Variants in METTL24 observed in about 807,000 individuals in gnomAD.
The protein encoded by METTL24 is probable methyltransferase-like protein 24.
In METTL24, 29 loss-of-function variants were observed where a neutral mutation model predicts 32.7. That is an observed-to-expected ratio of 0.89 (90% CI 0.66 to 1.21). The LOEUF (loss-of-function observed/expected upper bound fraction) is 1.21, where lower values mean the gene tolerates loss of function less well. Among genes scored for constraint, METTL24 ranks in the 50% most tolerant of loss-of-function variants. The probability of loss-of-function intolerance (pLI) is 0.00; values close to 1 mark genes in which losing one functional copy is unlikely to be tolerated. For missense variants in METTL24, 439 were observed against 468.1 expected (o/e 0.94, Z 0.57); for synonymous variants, 163 against 179.5 (o/e 0.91, Z 0.73).
Position 110,334,998 on chromosome 6 carries a change from TTCTTTTGAATC to T in METTL24, c.319-12137_319-12127del, listed in dbSNP as rs1203649782. On this transcript the variant is annotated intron_variant, in intron 1 of 4. Transcript: ENST00000338882. Reference sequence around the variant, plus strand: ...AAGTTAGGAGAAGCCACATAAAAGCTTCTTTTGAATCTCTGGGAAGCTGCCACCAGGGCAGA... The same window carrying T: ...AAGTTAGGAGAAGCCACATAAAAGCTTCTGGGAAGCTGCCACCAGGGCAGA... Among the ~76,000 whole-genome samples, 4 of 152,298 alleles carry T rather than the reference TTCTTTTGAATC, an allele frequency of 2.6e-5. No individual in the cohort carries two copies. In the East Asian group the frequency reaches 7.7e-4, roughly 29 times the overall value.
intron 1 of METTL24, among the ~76,000 whole-genome samples, chr6:110,354,216 G>C (rs983394305): frequency 2.0e-5 from 3 of 152,186 alleles, no homozygotes; most frequent in Non-Finnish European, 4.4e-5. Flanking sequence ...TTTAGAGCTA[G>C]TTCTTGCATG....
At chr6:110,355,314 G>T (rs1327226476) in intron 1 of METTL24, among the ~76,000 whole-genome samples, 2 of 152,156 alleles carry the variant, frequency 1.3e-5, no homozygotes, top group African/African-American at 4.8e-5. Flanking sequence ...GGCCTTGCAG[G>T]TAGAGGAGTG....
chr6:110,330,667 T>C (rs1332655960), intron 1 of METTL24, among the ~76,000 whole-genome samples: 1 of 152,188 alleles, frequency 6.6e-6, no homozygotes, highest in Non-Finnish European at 1.5e-5. Context: ...TGGGCATACA[T>C]GGGATACACA....
chr6:110,254,629 C>G (rs914087823), intron 4 of METTL24, among the ~76,000 whole-genome samples: 3 of 152,038 alleles, frequency 2.0e-5, no homozygotes, highest in African/African-American at 4.8e-5. Flanking sequence ...AAGACTATCT[C>G]AAAAGAAATA....
chr6:110,291,503 T>C (rs1771318964), intron 4 of METTL24, among the ~76,000 whole-genome samples: 1 of 152,330 alleles, frequency 6.6e-6, no homozygotes, highest in Admixed American at 6.5e-5. Context: ...CAATTAATTA[T>C]ATACGTGTTT....
intron 3 of METTL24, among the ~76,000 whole-genome samples, chr6:110,302,460 CATATGTGTATATAT>C (rs1562230697): frequency 6.5e-5 from 6 of 92,928 alleles, no homozygotes; most frequent in African/African-American, 2.8e-4. Flanking sequence ...CATATACACA[CATATGTGTATATAT>C]ACACATATAC....
chr6:110,290,132 T>G (rs1463239228), intron 4 of METTL24, among the ~76,000 whole-genome samples: 1 of 148,040 alleles, frequency 6.8e-6, no homozygotes, highest in East Asian at 1.9e-4. Context: ...TCCAGGCTGG[T>G]CTCAAATTCC....
At chr6:110,335,065 T>C (rs547028524) in intron 1 of METTL24, among the ~76,000 whole-genome samples, 1 of 152,328 alleles carries the variant, frequency 6.6e-6, no homozygotes, top group African/African-American at 2.4e-5. Context: ...TGGACTCCTC[T>C]GGAACCAAAA....
At chr6:110,275,118 TGAC>T (rs1771025667) in intron 4 of METTL24, among the ~76,000 whole-genome samples, 1 of 151,800 alleles carries the variant, frequency 6.6e-6, no homozygotes, top group South Asian at 2.1e-4. Context: ...ATATTTTTAA[TGAC>T]CTATGTCTAC....
intron 3 of METTL24, among the ~76,000 whole-genome samples, chr6:110,301,766 C>G (rs1043177293): frequency 1.3e-5 from 2 of 152,180 alleles, no homozygotes; most frequent in African/African-American, 4.8e-5. Context: ...CAATAGCTAA[C>G]TGATATACCT....
intron 3 of METTL24, among the ~76,000 whole-genome samples, chr6:110,300,687 CTGGG>C (rs1334381988): frequency 1.3e-5 from 2 of 152,076 alleles, no homozygotes; most frequent in African/African-American, 2.4e-5. Context: ...TCCCAAAGTA[CTGGG>C]ATTACAGGCA....
intron 2 of METTL24, among the ~76,000 whole-genome samples, chr6:110,318,269 T>C (rs1252107187): frequency 6.6e-6 from 1 of 152,256 alleles, no homozygotes; most frequent in African/African-American, 2.4e-5. Context: ...AGATTTCATC[T>C]TGGACAGATA....
At chr6:110,340,132 C>T (rs139367441) in intron 1 of METTL24, among the ~76,000 whole-genome samples, 12 of 152,088 alleles carry the variant, frequency 7.9e-5, no homozygotes, top group African/African-American at 2.2e-4. Flanking sequence ...GAAAAGAAAA[C>T]ACAGCTCTTC....
chr6:110,346,330 G>A (rs528585642), intron 1 of METTL24, among the ~76,000 whole-genome samples: 1 of 152,256 alleles, frequency 6.6e-6, no homozygotes, highest in Non-Finnish European at 1.5e-5. Context: ...TGAGCTCCCT[G>A]CCTTCATAGG....
At chr6:110,257,354 G>C (rs1778403720) in intron 4 of METTL24, among the ~76,000 whole-genome samples, 1 of 152,120 alleles carries the variant, frequency 6.6e-6, no homozygotes, top group South Asian at 2.1e-4. Flanking sequence ...CTGCTCTCCT[G>C]TACAGTAGAA....
chr6:110,271,140 G>A (rs544959462), intron 4 of METTL24, among the ~76,000 whole-genome samples: 24 of 152,046 alleles, frequency 1.6e-4, no homozygotes, highest in East Asian at 1.9e-4. Flanking sequence ...GATTACAGGC[G>A]TGAGCCACCG....
chr6:110,258,841 AAAC>A (rs1370916171), intron 4 of METTL24, among the ~76,000 whole-genome samples: 1 of 152,016 alleles, frequency 6.6e-6, no homozygotes, highest in African/African-American at 2.4e-5. Context: ...AAACAAAAGA[AAAC>A]AAAACAAAAC....
chr6:110,325,508 G>C (rs960171079), intron 1 of METTL24, among the ~76,000 whole-genome samples: 2 of 152,004 alleles, frequency 1.3e-5, no homozygotes, highest in African/African-American at 4.8e-5. Context: ...TCAGAGGTAG[G>C]CTGGCCTAAA....
intron 4 of METTL24, among the ~76,000 whole-genome samples, chr6:110,288,750 C>T (rs1424377985): frequency 2.6e-5 from 4 of 152,022 alleles, no homozygotes; most frequent in East Asian, 3.9e-4. Context: ...GATGGCAGGC[C>T]GGAAATGGTG....
Sources: allele counts gnomAD v4.1 joint callset (sites outside exome capture counted in the v4.1 genomes callset), GRCh38; gene constraint gnomAD v4.1.1; transcripts MANE v1.5; gene names NCBI Gene and HGNC (gene_info 2026-07-23, HGNC 2026-07-21).